Variants in GALNT2 observed in about 807,000 individuals in gnomAD.
GALNT2 encodes the protein polypeptide N-acetylgalactosaminyltransferase 2.
GALNT2 carries 31 observed loss-of-function variants against 81.4 expected under a neutral mutation model. The observed-to-expected ratio is 0.38, with a 90% confidence interval of 0.29 to 0.51. GALNT2 has a LOEUF of 0.51. GALNT2 is among the 20% of genes least tolerant of loss of function. The pLI, the probability that GALNT2 is intolerant of heterozygous loss-of-function variation, is 0.87. For missense variants in GALNT2, 629 were observed against 765.7 expected (o/e 0.82, Z 2.11); for synonymous variants, 303 against 287.4 (o/e 1.05, Z -0.55).
At chr1:230,226,099 C>T (rs138115970) in intron 3 of GALNT2, among the ~76,000 whole-genome samples, 16 of 152,328 alleles carry the variant, frequency 1.1e-4, no homozygotes, top group Middle Eastern at 6.8e-3. Context: ...GCCCAGCCTG[C>T]GGTTGGCTCT....
intron 1 of GALNT2, among the ~76,000 whole-genome samples, chr1:230,131,526 C>T (rs1661367044): frequency 6.6e-6 from 1 of 152,200 alleles, no homozygotes. Flanking sequence ...TTTAAAAACC[C>T]TTACCTGTAA....
At chr1:230,100,450 C>T (rs1571961521) in intron 1 of GALNT2, among the ~76,000 whole-genome samples, 1 of 151,514 alleles carries the variant, frequency 6.6e-6, no homozygotes, top group East Asian at 1.9e-4. Flanking sequence ...CTCAGCTTCC[C>T]GAGTAGCTGG....
At chr1:230,265,146 T>C in intron 13 of GALNT2, 95 bp from the exon 14 acceptor site, 1 of 1,542,674 alleles carries the variant, frequency 6.5e-7, no homozygotes, top group Non-Finnish European at 8.9e-7. Flanking sequence ...CTCTCGTTCC[T>C]GTCACCTGTC....
At chr1:230,258,832 C>T (rs1244497487) in intron 11 of GALNT2, 2 of 152,108 alleles carry the variant, frequency 1.3e-5, no homozygotes, top group Admixed American at 1.3e-4. Flanking sequence ...TATCAGACGC[C>T]CCACACCAAA....
At chr1:230,058,392 A>G (rs563462131) in intron 1 of GALNT2, among the ~76,000 whole-genome samples, 48 of 152,290 alleles carry the variant, frequency 3.2e-4, no homozygotes, top group African/African-American at 1.2e-3. Flanking sequence ...AGCCCCCGTG[A>G]TGCTGTGCTC....
intron 3 of GALNT2, among the ~76,000 whole-genome samples, chr1:230,234,438 C>T (rs1255273286): frequency 2.0e-5 from 3 of 152,130 alleles, no homozygotes; most frequent in Non-Finnish European, 2.9e-5. Context: ...GCTTCAATTC[C>T]GGTGCCAGTG....
chr1:230,183,436 C>A (rs1481332358), intron 2 of GALNT2, among the ~76,000 whole-genome samples: 1 of 151,956 alleles, frequency 6.6e-6, no homozygotes, highest in Non-Finnish European at 1.5e-5. Context: ...CTCAGCATAT[C>A]TATTATGTGT....
intron 1 of GALNT2, among the ~76,000 whole-genome samples, chr1:230,148,253 C>T (rs1661984503): frequency 6.6e-6 from 1 of 152,226 alleles, no homozygotes; most frequent in Non-Finnish European, 1.5e-5. Flanking sequence ...GTGCACAGTG[C>T]ACTCAGAGGG....
At chr1:230,191,249 A>G (rs1465297445) in intron 2 of GALNT2, among the ~76,000 whole-genome samples, 1 of 152,212 alleles carries the variant, frequency 6.6e-6, no homozygotes, top group Non-Finnish European at 1.5e-5. Context: ...TTCTCTTCAG[A>G]GCACAGAGTG....
intron 3 of GALNT2, among the ~76,000 whole-genome samples, chr1:230,205,330 T>C (rs534751769): frequency 6.6e-6 from 1 of 152,336 alleles, no homozygotes; most frequent in African/African-American, 2.4e-5. Flanking sequence ...AAGAAATATG[T>C]AGCTTTACAG....
At chr1:230,231,062 T>C (rs1175279755) in intron 3 of GALNT2, among the ~76,000 whole-genome samples, 1 of 152,194 alleles carries the variant, frequency 6.6e-6, no homozygotes, top group African/African-American at 2.4e-5. Flanking sequence ...TAACTGACAG[T>C]GTATTCTCTA....
chr1:230,251,140 T>C (rs914334933), intron 10 of GALNT2, among the ~76,000 whole-genome samples: 1 of 152,232 alleles, frequency 6.6e-6, no homozygotes, highest in African/African-American at 2.4e-5. Context: ...TTGGTAGCCT[T>C]ATATTTACTG....
At chr1:230,163,897 G>A (rs935950275) in intron 1 of GALNT2, among the ~76,000 whole-genome samples, 11 of 152,292 alleles carry the variant, frequency 7.2e-5, no homozygotes, top group African/African-American at 9.6e-5. Context: ...ACATGGACAC[G>A]GGGTCAGTCT....
At chr1:230,225,682 G>GTTTTGTTTTGTTTT (rs1558148786) in intron 3 of GALNT2, among the ~76,000 whole-genome samples, 4 of 137,580 alleles carry the variant, frequency 2.9e-5, no homozygotes, top group African/African-American at 1.1e-4. Flanking sequence ...GAGTTTTTTT[G>GTTTTGTTTTGTTTT]TTTTTTTTTT....
intron 1 of GALNT2, among the ~76,000 whole-genome samples, chr1:230,130,108 C>T (rs191327688): frequency 1.6e-4 from 24 of 152,344 alleles, no homozygotes; most frequent in African/African-American, 5.8e-4. Flanking sequence ...AGCTGATGCC[C>T]ATCACTGTGG....
intron 3 of GALNT2, among the ~76,000 whole-genome samples, chr1:230,228,736 T>G (rs1454844920): frequency 2.6e-5 from 4 of 152,064 alleles, no homozygotes; most frequent in Non-Finnish European, 5.9e-5. Flanking sequence ...GTTGCCCTAC[T>G]ATGTGTTGTT....
At chr1:230,265,059 G>C in intron 13 of GALNT2, 182 bp from the exon 14 acceptor site, 1 of 656,824 alleles carries the variant, frequency 1.5e-6, no homozygotes, top group Non-Finnish European at 2.7e-6. Context: ...GAAGTCCAGA[G>C]CCTGGGAGAA....
chr1:230,197,610 A>C (rs1383239281), intron 2 of GALNT2, among the ~76,000 whole-genome samples: 2 of 152,126 alleles, frequency 1.3e-5, no homozygotes, highest in Admixed American at 1.3e-4. Context: ...TATAGTTAGT[A>C]GTGTAGGACT....
intron 1 of GALNT2, among the ~76,000 whole-genome samples, chr1:230,168,349 T>A (rs1474244729): frequency 1.3e-5 from 2 of 152,224 alleles, no homozygotes; most frequent in African/African-American, 4.8e-5. Flanking sequence ...GTGGCATCCC[T>A]TGTGCTCGCT....
Sources: gnomAD v4.1 joint callset for allele counts (sites outside exome capture counted in the v4.1 genomes callset) on GRCh38, gnomAD v4.1.1 for gene constraint, MANE v1.5 for transcripts, NCBI Gene and HGNC (gene_info 2026-07-23, HGNC 2026-07-21) for gene names.